Variants in METTL15 observed in about 807,000 individuals in gnomAD.
METTL15 encodes the protein methyltransferase 15, mitochondrial 12S rRNA N4-cytidine.
Under a neutral mutation model 38.3 loss-of-function variants are expected in METTL15, and 34 were observed. The ratio of observed to expected loss-of-function variants is 0.89; its 90% CI spans 0.68 to 1.18. METTL15 has a LOEUF of 1.18. Among genes scored for constraint, METTL15 ranks in the 50% most tolerant of loss-of-function variants. The pLI is 0.00. For missense variants in METTL15, 438 were observed against 498.4 expected (o/e 0.88, Z 1.15); for synonymous variants, 162 against 170.9 (o/e 0.95, Z 0.41).
At chr11:28,222,455 CT>C (rs2133866899) in intron 4 of METTL15, among the ~76,000 whole-genome samples, 1 of 152,316 alleles carries the variant, frequency 6.6e-6, no homozygotes, top group South Asian at 2.1e-4. Flanking sequence ...GTCTGTCACC[CT>C]TTTCATTGGC....
At chr11:28,375,539 T>G (rs1329080437) in intron 5 of METTL15, among the ~76,000 whole-genome samples, 1 of 152,134 alleles carries the variant, frequency 6.6e-6, no homozygotes, top group Admixed American at 6.5e-5. Flanking sequence ...TTATTGTGTC[T>G]ATTTGATTCT....
intron 4 of METTL15, among the ~76,000 whole-genome samples, chr11:28,276,774 A>G (rs555651996): frequency 6.6e-6 from 1 of 152,332 alleles, no homozygotes; most frequent in Non-Finnish European, 1.5e-5. Flanking sequence ...AAATAAAGCC[A>G]TATATTTACA....
At chr11:28,312,395 C>T (rs1362163668) in intron 6 of METTL15, among the ~76,000 whole-genome samples, 1 of 152,128 alleles carries the variant, frequency 6.6e-6, no homozygotes, top group East Asian at 1.9e-4. Flanking sequence ...AAACATTAGT[C>T]TAGAGCCCTT....
At chr11:28,523,747 C>A (rs2133514488) in intron 6 of METTL15, among the ~76,000 whole-genome samples, 1 of 152,242 alleles carries the variant, frequency 6.6e-6, no homozygotes, top group South Asian at 2.1e-4. Flanking sequence ...TAAATGAAGG[C>A]CCATTCTATG....
rs147317372 is a variant in METTL15, at chr11:28,297,013, G to A, written c.778+82G>A. On this transcript the variant is annotated intron_variant, in intron 6 of 6. Coordinates refer to ENST00000407364, the MANE Select transcript of METTL15 (RefSeq NM_001113528.2). ...CATGTGTTTGTGTGCATGCACGCATGCACATGTGTGTGTGCATTAATCCCC... is the reference window on the plus strand; with the variant it reads ...CATGTGTTTGTGTGCATGCACGCATACACATGTGTGTGTGCATTAATCCCC... 247 of 1,392,856 alleles carry A rather than the reference G, an allele frequency of 1.8e-4. 1 individual carries two copies. In the East Asian group the frequency reaches 5.6e-3, roughly 32 times the overall value. The allele number at this position is 1,392,856 out of a possible 1,614,324, so 86.3% of individuals were successfully genotyped here.
chr11:28,145,607 T>G (rs1849854577), intron 3 of METTL15: 1 of 152,046 alleles, frequency 6.6e-6, no homozygotes, highest in Admixed American at 6.6e-5. Context: ...CAACGAGTGG[T>G]CTTTTGCTCC....
intron 6 of METTL15, among the ~76,000 whole-genome samples, chr11:28,507,736 C>T (rs1007990436): frequency 2.0e-5 from 3 of 152,064 alleles, no homozygotes; most frequent in African/African-American, 7.2e-5. Context: ...CTGTTTTCTT[C>T]ATATCTAATC....
In METTL15 at chr11:28,115,929, T is replaced by TACAC. The variant is rs1381502819; in HGVS notation, c.270+2327_270+2330dup. ...GCATGTATACACAGACACACACACA[T>TACAC]ACACATACACACACACACACACACA... On this transcript the variant is annotated intron_variant, in intron 3 of 6. Transcript: ENST00000407364. Among the ~76,000 whole-genome samples the TACAC allele has an allele frequency of 3.1e-5, 3 of 98,242 alleles. 1 individual carries two copies. Among genetic ancestry groups the TACAC allele is most frequent in the South Asian group, 8.0e-4 (2 of 2,492 alleles). 64.5% of individuals were successfully genotyped at this position (98,242 alleles called of 152,430 possible).
chr11:28,396,606 G>A (rs1590360322), intron 5 of METTL15, among the ~76,000 whole-genome samples: 1 of 152,252 alleles, frequency 6.6e-6, no homozygotes, highest in African/African-American at 2.4e-5. Context: ...CAAAAAAATG[G>A]AAGAATATTC....
chr11:28,399,682 T>C (rs1850611785), intron 5 of METTL15, among the ~76,000 whole-genome samples: 1 of 151,898 alleles, frequency 6.6e-6, no homozygotes, highest in Non-Finnish European at 1.5e-5. Context: ...TAATATACAA[T>C]TCCACATATT....
chr11:28,186,225 T>C (rs1209946237), intron 3 of METTL15, among the ~76,000 whole-genome samples: 1 of 151,158 alleles, frequency 6.6e-6, no homozygotes. Context: ...ATTGCTGATT[T>C]TGTAAGATGT....
intron 4 of METTL15, among the ~76,000 whole-genome samples, chr11:28,213,149 C>CT (rs1231650599): frequency 6.6e-6 from 1 of 152,052 alleles, no homozygotes; most frequent in African/African-American, 2.4e-5. Flanking sequence ...AATCTTGAGA[C>CT]TTTTTTTACT....
intron 4 of METTL15, among the ~76,000 whole-genome samples, chr11:28,283,630 A>G (rs1856140280): frequency 6.6e-6 from 1 of 152,204 alleles, no homozygotes; most frequent in African/African-American, 2.4e-5. Flanking sequence ...AACTTGTACT[A>G]CAAGTGCAGA....
chr11:28,442,841 T>C (rs1318885122), intron 6 of METTL15, among the ~76,000 whole-genome samples: 1 of 152,208 alleles, frequency 6.6e-6, no homozygotes, highest in Non-Finnish European at 1.5e-5. Context: ...GTTTGACATA[T>C]GCAGTAATCC....
At chr11:28,490,797 G>A (rs1253216730) in intron 6 of METTL15, among the ~76,000 whole-genome samples, 1 of 152,078 alleles carries the variant, frequency 6.6e-6, no homozygotes, top group Admixed American at 6.6e-5. Context: ...TTTTAAAATA[G>A]CTAGGCTAAA....
intron 5 of METTL15, among the ~76,000 whole-genome samples, chr11:28,391,896 T>C (rs1055317929): frequency 6.6e-6 from 1 of 152,166 alleles, no homozygotes; most frequent in African/African-American, 2.4e-5. Context: ...ATTCAGGACA[T>C]AGACATGGGT....
At chr11:28,122,263 T>C (rs960975314) in intron 3 of METTL15, 1 of 969,374 alleles carries the variant, frequency 1.0e-6, no homozygotes, top group Non-Finnish European at 1.4e-6. Context: ...TGTTATAAAA[T>C]GTGAAAAACT....
intron 5 of METTL15, among the ~76,000 whole-genome samples, chr11:28,396,272 C>G (rs367768625): frequency 7.9e-5 from 12 of 151,972 alleles, no homozygotes; most frequent in Non-Finnish European, 1.2e-4. Flanking sequence ...AGAAATAAAG[C>G]GTATTCAATT....
intron 5 of METTL15, among the ~76,000 whole-genome samples, chr11:28,291,628 T>A (rs1436278023): frequency 2.0e-5 from 3 of 152,144 alleles, no homozygotes; most frequent in Non-Finnish European, 4.4e-5. Context: ...TTTGCACATG[T>A]TGTTGGTATT....
Sources: allele counts gnomAD v4.1 joint callset (sites outside exome capture counted in the v4.1 genomes callset), GRCh38; gene constraint gnomAD v4.1.1; transcripts MANE v1.5; gene names NCBI Gene and HGNC (gene_info 2026-07-23, HGNC 2026-07-21).